PDE4D: variants seen among roughly 807,000 people sequenced by gnomAD.
The protein encoded by PDE4D is 3',5'-cyclic-AMP phosphodiesterase 4D.
Under a neutral mutation model 87.4 loss-of-function variants are expected in PDE4D, and 24 were observed. The ratio of observed to expected loss-of-function variants is 0.27; its 90% CI spans 0.20 to 0.39. PDE4D has a LOEUF of 0.39. PDE4D is among the 10% of genes least tolerant of loss of function. The probability of loss-of-function intolerance (pLI) is 1.00; values close to 1 mark genes in which losing one functional copy is unlikely to be tolerated. For missense variants in PDE4D, 714 were observed against 1,041.0 expected (o/e 0.69, Z 4.32); for synonymous variants, 384 against 383.2 (o/e 1.00, Z -0.02).
intron 1 of PDE4D, among the ~76,000 whole-genome samples, chr5:60,368,645 T>C (rs1431916287): frequency 6.6e-6 from 1 of 152,164 alleles, no homozygotes; most frequent in East Asian, 1.9e-4. Flanking sequence ...CATGTTGAAT[T>C]GTAATCCCCA....
intron 1 of PDE4D, among the ~76,000 whole-genome samples, chr5:60,186,051 A>G (rs17450114): frequency 0.096 from 14,609 of 152,152 alleles, 732 homozygotes; most frequent in South Asian, 0.16. Flanking sequence ...GGATTCGACA[A>G]TTTTTCACTA....
At chr5:59,633,432 A>G (rs1383591243) in intron 1 of PDE4D, among the ~76,000 whole-genome samples, 3 of 152,200 alleles carry the variant, frequency 2.0e-5, no homozygotes, top group Non-Finnish European at 4.4e-5. Context: ...AAGACACATA[A>G]TCGTGAGATT....
intron 3 of PDE4D, among the ~76,000 whole-genome samples, chr5:59,955,193 G>C (rs1047605829): frequency 6.6e-6 from 1 of 152,126 alleles, no homozygotes; most frequent in Non-Finnish European, 1.5e-5. Context: ...CCTCTGGAGA[G>C]GGACTGGGAG....
intron 1 of PDE4D, among the ~76,000 whole-genome samples, chr5:59,339,115 A>T (rs1297054711): frequency 6.6e-6 from 1 of 152,222 alleles, no homozygotes; most frequent in Non-Finnish European, 1.5e-5. Flanking sequence ...CTACACAAAA[A>T]GAGACCTAGA....
chr5:59,922,573 CTGGA>C (rs1212522284), intron 3 of PDE4D, among the ~76,000 whole-genome samples: 1 of 152,064 alleles, frequency 6.6e-6, no homozygotes, highest in Admixed American at 6.5e-5. Context: ...GCCTTACCTC[CTGGA>C]TGACATTTTT....
At chr5:60,149,453 C>T (rs77695714) in intron 2 of PDE4D, among the ~76,000 whole-genome samples, 1,526 of 152,292 alleles carry the variant, frequency 0.01, 22 homozygotes, top group African/African-American at 0.035. Context: ...AAGTTCCACT[C>T]TATCAGCACT....
Position 59,217,155 on chromosome 5 carries a change from T to C in PDE4D, c.456-1187A>G, listed in dbSNP as rs111435966. 2.4e-4 allele frequency: 109 copies of C among 453,242 alleles called. 1 individual carries two copies. Among genetic ancestry groups the C allele is most frequent in the African/African-American group, 1.9e-3 (96 of 50,014 alleles). The allele number at this position is 453,242 out of a possible 1,614,324, so 28.1% of individuals were successfully genotyped here. A position where few individuals can be genotyped will look rare whatever the true frequency, so the allele number is the denominator to read the frequency against. On this transcript the variant is annotated intron_variant, in intron 1 of 14. Transcript: ENST00000340635. ...AACTTTCCACAAAGAACCTTTCTAGTGAAACATCAACCAGTATTAAAATAA... is the reference window on the plus strand; with the variant it reads ...AACTTTCCACAAAGAACCTTTCTAGCGAAACATCAACCAGTATTAAAATAA...
intron 2 of PDE4D, among the ~76,000 whole-genome samples, chr5:59,198,057 G>A (rs1745858051): frequency 1.3e-5 from 2 of 152,160 alleles, no homozygotes; most frequent in Non-Finnish European, 2.9e-5. Flanking sequence ...GTCACACAGT[G>A]AATATCGCCT....
chr5:59,575,319 G>A (rs1583189114), intron 1 of PDE4D, among the ~76,000 whole-genome samples: 2 of 152,174 alleles, frequency 1.3e-5, no homozygotes, highest in South Asian at 4.1e-4. Flanking sequence ...GATGCAGAAA[G>A]GGGCATAATC....
chr5:59,936,792 A>G (rs536507399), intron 3 of PDE4D, among the ~76,000 whole-genome samples: 2 of 152,352 alleles, frequency 1.3e-5, no homozygotes, highest in Non-Finnish European at 2.9e-5. Context: ...AGGGAGAAAG[A>G]CACTCATGGC....
intron 1 of PDE4D, among the ~76,000 whole-genome samples, chr5:59,267,307 T>C (rs1011590909): frequency 1.3e-5 from 2 of 152,104 alleles, no homozygotes; most frequent in African/African-American, 4.8e-5. Flanking sequence ...TGTGCCACAT[T>C]GCAATGGAAT....
intron 1 of PDE4D, among the ~76,000 whole-genome samples, chr5:59,734,061 T>C (rs1452843792): frequency 6.6e-6 from 1 of 152,140 alleles, no homozygotes; most frequent in East Asian, 1.9e-4. Flanking sequence ...TTCAATTTCA[T>C]GGTCTGATGT....
intron 3 of PDE4D, among the ~76,000 whole-genome samples, chr5:59,964,233 G>C (rs746210926): frequency 6.6e-6 from 1 of 152,060 alleles, no homozygotes; most frequent in Non-Finnish European, 1.5e-5. Flanking sequence ...TTAAGATTTT[G>C]ACCTTTACTT....
At chr5:59,667,533 C>T (rs1746282990) in intron 1 of PDE4D, among the ~76,000 whole-genome samples, 1 of 152,120 alleles carries the variant, frequency 6.6e-6, no homozygotes, top group African/African-American at 2.4e-5. Flanking sequence ...GCAAATCACA[C>T]CCAGCATCTC....
chr5:59,033,999 T>C (rs951531238), intron 6 of PDE4D, among the ~76,000 whole-genome samples: 1 of 152,174 alleles, frequency 6.6e-6, no homozygotes, highest in Non-Finnish European at 1.5e-5. Flanking sequence ...CTAAGTTTTA[T>C]GCTAAGGTAA....
chr5:59,222,368 A>G (rs149171375), intron 1 of PDE4D, among the ~76,000 whole-genome samples: 7 of 152,196 alleles, frequency 4.6e-5, no homozygotes, highest in African/African-American at 1.7e-4. Context: ...CCCTCTCCTG[A>G]GCCAGAGTCC....
Position 59,787,138 on chromosome 5 carries a change from G to A in PDE4D, c.455+106030C>T, listed in dbSNP as rs368128890. 3.5e-4 allele frequency among the ~76,000 whole-genome samples: 53 copies of A among 152,174 alleles called. No homozygotes were observed. The South Asian group carries it at 0.011, about 31-fold the overall frequency. ...GTTATAACAAAAGTCTTTCTAAAACGTGTCATTCCTCTACTTGAATAACCT... is the reference window on the plus strand; with the variant it reads ...GTTATAACAAAAGTCTTTCTAAAACATGTCATTCCTCTACTTGAATAACCT... On this transcript the variant is annotated intron_variant, in intron 1 of 14. Coordinates refer to ENST00000340635, the MANE Select transcript of PDE4D (RefSeq NM_001104631.2).
At chr5:59,612,743 G>T (rs1204544002) in intron 1 of PDE4D, among the ~76,000 whole-genome samples, 1 of 152,060 alleles carries the variant, frequency 6.6e-6, no homozygotes, top group Non-Finnish European at 1.5e-5. Context: ...CCAAATAAAG[G>T]ATGGAAAGAG....
intron 1 of PDE4D, among the ~76,000 whole-genome samples, chr5:59,542,660 T>C (rs1816561127): frequency 6.6e-6 from 1 of 152,190 alleles, no homozygotes; most frequent in Admixed American, 6.5e-5. Flanking sequence ...CAAATCTCTC[T>C]CTTGAAATTC....
Sources: gnomAD v4.1 joint callset for allele counts (sites outside exome capture counted in the v4.1 genomes callset) on GRCh38, gnomAD v4.1.1 for gene constraint, MANE v1.5 for transcripts, NCBI Gene and HGNC (gene_info 2026-07-23, HGNC 2026-07-21) for gene names.